Variants in FLT3 observed in about 807,000 individuals in gnomAD.
FLT3 encodes receptor-type tyrosine-protein kinase FLT3.
In FLT3, 46 loss-of-function variants were observed where a neutral mutation model predicts 126.6. The observed-to-expected ratio is 0.36, with a 90% CI of 0.29 to 0.46. FLT3 has a LOEUF of 0.46. Ranked by LOEUF, FLT3 falls within the 20% of genes least tolerant of loss-of-function variation. The probability of loss-of-function intolerance (pLI) is 1.00; values close to 1 mark genes in which losing one functional copy is unlikely to be tolerated. For synonymous variants in FLT3, 404 were observed against 434.4 expected (o/e 0.93, Z 0.87); for missense variants, 1,069 against 1,190.3 (o/e 0.90, Z 1.50).
At chr13:28,011,695 C>CCTCCTCCTTCCT (rs1871388351) in intron 23 of FLT3, among the ~76,000 whole-genome samples, 1 of 94,568 alleles carries the variant, frequency 1.1e-5, no homozygotes, top group African/African-American at 3.3e-5. Flanking sequence ...TCCTTCCTTC[C>CCTCCTCCTTCCT]TTTCTTTCTC....
chr13:28,028,203 G>A lies in FLT3; in HGVS notation c.2028C>T (p.Asn676=), dbSNP rs1057519766. Residue 676 remains asparagine (N), a synonymous_variant, in exon 16 of 24, where the codon AAC becomes AAT. Transcript: ENST00000241453. ...TQLGSHENIV[N]LLGACTLSGP... Reference sequence around the variant, plus strand: ...CTGACAGTGTGCACGCCCCCAGCAGGTTCACAATATTCTCGTGGCTTCCCA... The same window carrying A: ...CTGACAGTGTGCACGCCCCCAGCAGATTCACAATATTCTCGTGGCTTCCCA... 6.2e-7 allele frequency: 1 copy of A among 1,607,260 alleles called. No individual in the cohort carries two copies. Among genetic ancestry groups the A allele is most frequent in the Non-Finnish European group, 8.5e-7 (1 of 1,173,812 alleles).
At chr13:28,062,611 G>T (rs1324821319) in intron 2 of FLT3, among the ~76,000 whole-genome samples, 1 of 151,986 alleles carries the variant, frequency 6.6e-6, no homozygotes, top group Non-Finnish European at 1.5e-5. Context: ...GGAAGTGGTG[G>T]TTGGCACCTG....
chr13:28,056,454 T>G (rs1876008121), intron 4 of FLT3, among the ~76,000 whole-genome samples: 1 of 152,196 alleles, frequency 6.6e-6, no homozygotes, highest in African/African-American at 2.4e-5. Context: ...TTTGGAGCAC[T>G]GCACTGGCCC....
rs759781160 is a variant in FLT3 at position 28,034,229 on chromosome 13, T to C, written c.1705-15A>G. 1.7e-5 allele frequency: 27 copies of C among 1,613,906 alleles called. No homozygotes were observed. In the South Asian group the frequency reaches 1.8e-4, roughly 11 times the overall value. ...TACCTAAATTGCTTCAGAGATGAAATGATGAGTCAGTTAGGAATAGGCAGT... is the reference window on the plus strand; with the variant it reads ...TACCTAAATTGCTTCAGAGATGAAACGATGAGTCAGTTAGGAATAGGCAGT... On this transcript the variant is annotated splice_polypyrimidine_tract_variant and intron_variant, in intron 13 of 23. Coordinates refer to ENST00000241453, the MANE Select transcript of FLT3 (RefSeq NM_004119.3).
chr13:28,024,945 T>G lies in FLT3; in HGVS notation c.2208-2A>C. The G allele has an allele frequency of 1.3e-6, 2 of 1,594,622 alleles. No individual in the cohort carries two copies. Among genetic ancestry groups the G allele is most frequent in the Non-Finnish European group, 1.7e-6 (2 of 1,169,036 alleles). On this transcript the variant is annotated splice_acceptor_variant, in intron 17 of 23. Coordinates refer to ENST00000241453, the MANE Select transcript of FLT3 (RefSeq NM_004119.3). LOFTEE classifies it high-confidence loss of function. ...TGAACTTCTCTTGAACCAGGCATGC[T>G]ATTAAAAAATTTTGTTTTTTCATTA...
rs574180125 is a variant in FLT3, at chr13:28,039,946, G to A, written c.1206-2658C>T. On this transcript the variant is annotated intron_variant, in intron 9 of 23. Coordinates refer to ENST00000241453, the MANE Select transcript of FLT3 (RefSeq NM_004119.3). ...GCCCTCAAGCCATCCTCCCCACCTCGGCCTCCCAAAGTGCTGGGATAACAG... is the reference window on the plus strand; with the variant it reads ...GCCCTCAAGCCATCCTCCCCACCTCAGCCTCCCAAAGTGCTGGGATAACAG... Among the ~76,000 whole-genome samples, 6 of 152,014 alleles carry A rather than the reference G, an allele frequency of 3.9e-5. No individual in the cohort carries two copies. The East Asian group carries it at 5.8e-4, about 15-fold the overall frequency.
At position 28,003,772 on chromosome 13, in the gene FLT3, G is replaced by A. The variant is rs1870638724; in HGVS notation, c.*280C>T. On this transcript the variant is annotated 3_prime_UTR_variant, in exon 24 of 24. Coordinates refer to ENST00000241453, the MANE Select transcript of FLT3 (RefSeq NM_004119.3). The stretch of plus-strand genomic sequence containing the variant: ...TTTACAAGAATATACTGTACTTCAG[G>A]TACACAATTCACTCAAGCCAGCCTG... 4.5e-6 allele frequency: 2 copies of A among 441,444 alleles called. No individual in the cohort carries two copies. The highest frequency in any genetic ancestry group is 3.7e-5 in the South Asian group (1 of 26,850). 27.3% of individuals were successfully genotyped at this position (441,444 alleles called of 1,614,324 possible).
At chr13:28,023,901 G>A (rs571333720) in intron 18 of FLT3, among the ~76,000 whole-genome samples, 19 of 150,452 alleles carry the variant, frequency 1.3e-4, no homozygotes, top group South Asian at 4.2e-4. Flanking sequence ...TCAGCTTCCC[G>A]AGTAGCTGGG....
intron 12 of FLT3, among the ~76,000 whole-genome samples, chr13:28,034,667 C>T (rs1332028104): frequency 6.6e-6 from 1 of 152,148 alleles, no homozygotes; most frequent in Non-Finnish European, 1.5e-5. Flanking sequence ...ACAAGAATTA[C>T]ATCTGGTCCA....
At chr13:28,058,175 A>C (rs112211042) in intron 3 of FLT3, among the ~76,000 whole-genome samples, 3,109 of 146,346 alleles carry the variant, frequency 0.021, 96 homozygotes, top group African/African-American at 0.071. Context: ...CCTGGGCCAC[A>C]TAGTGAGACC....
intron 4 of FLT3, 139 bp from the exon 5 acceptor site, chr13:28,052,813 G>T: frequency 2.1e-6 from 1 of 485,518 alleles, no homozygotes; most frequent in East Asian, 3.4e-5. Context: ...CATAATAAAG[G>T]CATCAAAAGC....
intron 23 of FLT3, 29 bp downstream of exon 23, chr13:28,014,423 A>G (rs1407662661): frequency 6.8e-7 from 1 of 1,466,764 alleles, no homozygotes; most frequent in Non-Finnish European, 9.5e-7. Context: ...TCCTTTGTAA[A>G]GCTTTATAAA....
intron 2 of FLT3, among the ~76,000 whole-genome samples, chr13:28,068,896 T>C (rs1877263809): frequency 6.6e-6 from 1 of 152,136 alleles, no homozygotes; most frequent in African/African-American, 2.4e-5. Context: ...TATTTTCAGT[T>C]CTCCATCACT....
chr13:28,061,924 A>T lies in FLT3; in HGVS notation c.311T>A (p.Leu104His). Reference sequence around the variant, plus strand: ...CAGGGAGCTGTGCTTAAAGACCCAGAGACAGGAAATGTTCCCTGGGGCGTC... The same window carrying T: ...CAGGGAGCTGTGCTTAAAGACCCAGTGACAGGAAATGTTCCCTGGGGCGTC... ...LVDAPGNISC[L>H]WVFKHSSLNC... The change falls in exon 3 of 24, where the codon CTC (leucine) becomes CAC (histidine). Residue 104 changes from leucine to histidine, a missense_variant. Leu to His is a moderately conservative substitution (Grantham distance 99). Transcript: ENST00000241453. 3 of 1,614,064 alleles carry T rather than the reference A, an allele frequency of 1.9e-6. No individual in the cohort carries two copies. Among genetic ancestry groups the T allele is most frequent in the South Asian group, 2.2e-5 (2 of 91,078 alleles).
At position 28,006,306 on chromosome 13, in the gene FLT3, T is replaced by TTATGTG. The variant is rs375433153; in HGVS notation, c.2860-2133_2860-2132insCACATA. On this transcript the variant is annotated intron_variant, in intron 23 of 23. Transcript: ENST00000241453. ...ACACTTCACTTTTCTTTCTAGAAAA[T>TTATGTG]TGTGTGTGTGTGTGTGTGTGTGTGT... Among the ~76,000 whole-genome samples, 485 of 147,096 alleles carry TTATGTG rather than the reference T, an allele frequency of 3.3e-3. 1 individual carries two copies. Among genetic ancestry groups the TTATGTG allele is most frequent in the African/African-American group, 0.011 (435 of 40,120 alleles).
At chr13:28,006,306 T>TTATGTGTGTG (rs375433153) in intron 23 of FLT3, among the ~76,000 whole-genome samples, 134 of 147,094 alleles carry the variant, frequency 9.1e-4, no homozygotes, top group Admixed American at 2.5e-3. Context: ...TTCTAGAAAA[T>TTATGTGTGTG]TGTGTGTGTG....
chr13:28,033,038 C>G (rs1230939466), intron 15 of FLT3, among the ~76,000 whole-genome samples: 1 of 151,930 alleles, frequency 6.6e-6, no homozygotes, highest in Non-Finnish European at 1.5e-5. Flanking sequence ...CTCTCCTACC[C>G]AGAGTCTGTT....
intron 1 of FLT3, among the ~76,000 whole-genome samples, chr13:28,073,940 TA>T (rs747529463): frequency 0.068 from 9,044 of 132,350 alleles, 972 homozygotes; most frequent in African/African-American, 0.24. Context: ...ATCCTGCCTC[TA>T]AAAAAAAAAA....
Position 28,052,583 on chromosome 13 carries a change from C to A in FLT3, c.576G>T (p.Pro192=), listed in dbSNP as rs1170660721. ...LVCISESVPE[P]IVEWVLCDSQ... ...AATCGCAAAGCACCCATTCCACGAT[C>A]GGCTCTGGAACGCTCTCAGATATGC... The change falls in exon 5 of 24, where the codon CCG becomes CCT. Residue 192 remains proline, a synonymous_variant. Coordinates refer to ENST00000241453, the MANE Select transcript of FLT3 (RefSeq NM_004119.3). 1 of 1,613,592 alleles carries A rather than the reference C, an allele frequency of 6.2e-7. No individual in the cohort carries two copies. The highest frequency in any genetic ancestry group is 1.1e-5 in the South Asian group (1 of 91,020).
Sources: allele counts gnomAD v4.1 joint callset (sites outside exome capture counted in the v4.1 genomes callset), GRCh38; gene constraint gnomAD v4.1.1; transcripts MANE v1.5; gene names NCBI Gene and HGNC (gene_info 2026-07-23, HGNC 2026-07-21).